The following SDK1 variants were observed in gnomAD, a reference collection of about 807,000 sequenced individuals.
SDK1 encodes the protein protein sidekick-1.
A neutral mutation model predicts 245.5 loss-of-function variants in SDK1; 157 were observed. The ratio of observed to expected loss-of-function variants is 0.64; its 90% CI spans 0.56 to 0.73. The LOEUF (loss-of-function observed/expected upper bound fraction) is 0.73, where lower values mean the gene tolerates loss of function less well. SDK1 is among the 30% of genes least tolerant of loss of function. SDK1 has a pLI of 0.00. For missense variants in SDK1, 3,583 were observed against 3,002.3 expected (o/e 1.19, Z -4.52); for synonymous variants, 1,647 against 1,278.5 (o/e 1.29, Z -6.15).
intron 4 of SDK1, among the ~76,000 whole-genome samples, chr7:3,740,180 T>A (rs1338149544): frequency 3.9e-5 from 6 of 152,112 alleles, no homozygotes; most frequent in Non-Finnish European, 8.8e-5. Flanking sequence ...CAGAGGTCAG[T>A]CAGAGGTGAC....
intron 19 of SDK1, among the ~76,000 whole-genome samples, chr7:4,053,932 T>G (rs1583960961): frequency 6.6e-6 from 1 of 151,792 alleles, no homozygotes; most frequent in African/African-American, 2.4e-5. Flanking sequence ...GTGGTGGTGG[T>G]TTTTTTTGTT....
rs188129725 is a variant in SDK1, at chr7:3,847,140, G to A, written c.847+25557G>A. 4.7e-4 allele frequency among the ~76,000 whole-genome samples: 72 copies of A among 151,604 alleles called. No individual in the cohort carries two copies. In the East Asian group the frequency reaches 7.8e-3, roughly 16 times the overall value. On this transcript the variant is annotated intron_variant, in intron 5 of 44. Transcript: ENST00000404826. ...GCTCTTCTCTGTTCATGCCTCTCAC[G>A]TACACCTGAAACCTCCAAACCCTGC...
intron 1 of SDK1, among the ~76,000 whole-genome samples, chr7:3,429,346 T>C (rs1478262094): frequency 1.3e-5 from 2 of 152,224 alleles, no homozygotes. Context: ...ATAGTTGTTA[T>C]TTAGAACTTT....
At chr7:3,937,617 C>G (rs1780206161) in intron 5 of SDK1, among the ~76,000 whole-genome samples, 2 of 152,228 alleles carry the variant, frequency 1.3e-5, no homozygotes, top group South Asian at 4.1e-4. Context: ...GCCTAGCAGC[C>G]TCTCAATGTT....
intron 1 of SDK1, among the ~76,000 whole-genome samples, chr7:3,532,624 A>ATAT (rs1783385820): frequency 6.6e-6 from 1 of 152,188 alleles, no homozygotes; most frequent in Admixed American, 6.5e-5. Flanking sequence ...TGTTAACTCC[A>ATAT]GGTCATTATT....
chr7:4,226,499 T>C (rs1478394023), intron 40 of SDK1, among the ~76,000 whole-genome samples: 2 of 152,346 alleles, frequency 1.3e-5, no homozygotes, highest in South Asian at 4.1e-4. Flanking sequence ...TTCTACTGCA[T>C]AGCCCCTGTT....
chr7:3,382,073 C>T (rs1353431989), intron 1 of SDK1, among the ~76,000 whole-genome samples: 1 of 152,112 alleles, frequency 6.6e-6, no homozygotes, highest in Admixed American at 6.5e-5. Context: ...CAAGAAAAAC[C>T]TATGCAGTAG....
intron 4 of SDK1, among the ~76,000 whole-genome samples, chr7:3,692,651 T>A (rs986452840): frequency 6.6e-6 from 1 of 152,146 alleles, no homozygotes; most frequent in Non-Finnish European, 1.5e-5. Context: ...TACTAGATAA[T>A]CTAGAATTGG....
At chr7:3,792,164 A>G (rs1483194641) in intron 4 of SDK1, among the ~76,000 whole-genome samples, 1 of 152,028 alleles carries the variant, frequency 6.6e-6, no homozygotes, top group Non-Finnish European at 1.5e-5. Flanking sequence ...AAACCCTTGC[A>G]TTAACCTTAA....
chr7:4,216,505 A>G (rs1306531348), intron 38 of SDK1, among the ~76,000 whole-genome samples: 1 of 152,228 alleles, frequency 6.6e-6, no homozygotes, highest in Non-Finnish European at 1.5e-5. Flanking sequence ...GGGGAACCAC[A>G]AAAGCGGTAA....
intron 4 of SDK1, among the ~76,000 whole-genome samples, chr7:3,694,220 C>G (rs573683763): frequency 5.9e-5 from 9 of 152,276 alleles, no homozygotes; most frequent in African/African-American, 1.9e-4. Flanking sequence ...CTGCCCACTG[C>G]ATAAGACTTC....
chr7:4,106,940 G>A (rs1451253001), intron 22 of SDK1, among the ~76,000 whole-genome samples: 1 of 151,868 alleles, frequency 6.6e-6, no homozygotes, highest in Non-Finnish European at 1.5e-5. Context: ...AAGCCCCCAG[G>A]CCTCAGGTGA....
chr7:3,478,313 T>A (rs910797753), intron 1 of SDK1, among the ~76,000 whole-genome samples: 1 of 152,072 alleles, frequency 6.6e-6, no homozygotes, highest in East Asian at 1.9e-4. Flanking sequence ...TGTTGACTTA[T>A]TTTTTGAGAT....
Position 3,821,543 on chromosome 7 carries a change from A to G in SDK1, c.807A>G (p.Gly269=), listed in dbSNP as rs749574321. 4.3e-6 allele frequency: 7 copies of G among 1,613,892 alleles called. No individual in the cohort carries two copies. The African/African-American group carries it at 8.0e-5, about 18-fold the overall frequency. ...TGCAGGCCGTGAATGAGAAAAATGGAGAAAACAAGACAAGCCCATTCATTC... is the reference window on the plus strand; with the variant it reads ...TGCAGGCCGTGAATGAGAAAAATGGGGAAAACAAGACAAGCCCATTCATTC... ...YYVQAVNEKN[G]ENKTSPFIHL... is the part of the protein sequence containing the mutation. The change falls in exon 5 of 45, where the codon GGA becomes GGG. Residue 269 remains glycine, a synonymous_variant. Transcript: ENST00000404826.
chr7:4,121,759 G>A (rs1784079679), intron 25 of SDK1, among the ~76,000 whole-genome samples: 1 of 152,136 alleles, frequency 6.6e-6, no homozygotes, highest in South Asian at 2.1e-4. Flanking sequence ...TCAAGAGTAG[G>A]AATTGTTCTT....
At chr7:3,565,211 A>G (rs1779872305) in intron 1 of SDK1, among the ~76,000 whole-genome samples, 1 of 152,042 alleles carries the variant, frequency 6.6e-6, no homozygotes, top group South Asian at 2.1e-4. Flanking sequence ...CCGCTGTAGC[A>G]GGAAAATGGC....
At chr7:4,229,721 G>GCT (rs1422721904) in intron 40 of SDK1, among the ~76,000 whole-genome samples, 4 of 152,182 alleles carry the variant, frequency 2.6e-5, no homozygotes, top group Middle Eastern at 3.4e-3. Flanking sequence ...AATTTCAATG[G>GCT]CTTTAAGCAA....
intron 1 of SDK1, among the ~76,000 whole-genome samples, chr7:3,397,036 G>C (rs1778731468): frequency 6.6e-6 from 1 of 151,482 alleles, no homozygotes; most frequent in Non-Finnish European, 1.5e-5. Flanking sequence ...TTTCTTAGTG[G>C]TTATCCTGGG....
At chr7:3,594,588 C>T (rs994945075) in intron 1 of SDK1, among the ~76,000 whole-genome samples, 1 of 152,178 alleles carries the variant, frequency 6.6e-6, no homozygotes, top group African/African-American at 2.4e-5. Context: ...TCTCCACATC[C>T]TTGCCAACAC....
Sources: gnomAD v4.1 joint callset for allele counts (sites outside exome capture counted in the v4.1 genomes callset) on GRCh38, gnomAD v4.1.1 for gene constraint, MANE v1.5 for transcripts, NCBI Gene and HGNC (gene_info 2026-07-23, HGNC 2026-07-21) for gene names.